The following ZC3H12B variants were observed in gnomAD, a reference collection of about 807,000 sequenced individuals.
ZC3H12B encodes probable ribonuclease ZC3H12B.
Under a neutral mutation model 43.9 loss-of-function variants are expected in ZC3H12B, and 7 were observed. The ratio of observed to expected loss-of-function variants is 0.16; its 90% confidence interval spans 0.09 to 0.30. ZC3H12B has a LOEUF of 0.30. ZC3H12B is among the 10% of genes least tolerant of loss of function. ZC3H12B has a pLI of 1.00. For synonymous variants in ZC3H12B, 222 were observed against 241.7 expected, an observed-to-expected ratio of 0.92 and a Z score of 0.76; for missense variants, 475 against 670.2, an observed-to-expected ratio of 0.71 and a Z score of 3.22.
chrX:65,309,660 C>G, the ZC3H12B span, among the ~76,000 whole-genome samples: 92 of 112,154 alleles, frequency 8.2e-4, no homozygotes, highest in Admixed American at 3.9e-3. Context: ...CAGCATCATT[C>G]TGATACCAAA....
the ZC3H12B span, among the ~76,000 whole-genome samples, chrX:65,073,599 G>T: frequency 8.9e-6 from 1 of 112,083 alleles, no homozygotes; most frequent in African/African-American, 3.2e-5. Context: ...GTTGAGCCTA[G>T]GAAGATGGCC....
At chrX:65,477,312 A>G (rs2068006285) in intron 3 of ZC3H12B, among the ~76,000 whole-genome samples, 1 of 110,113 alleles carries the variant, frequency 9.1e-6, no homozygotes, top group Non-Finnish European at 1.9e-5. Context: ...TTGGTGTGGT[A>G]CTGTTGCAGC....
the ZC3H12B span, among the ~76,000 whole-genome samples, chrX:65,042,595 T>C: frequency 1.8e-5 from 2 of 112,264 alleles, no homozygotes; most frequent in South Asian, 3.7e-4. Context: ...AAGTATGTAA[T>C]GAAACTGAAG....
At chrX:65,240,821 T>C in the ZC3H12B span, among the ~76,000 whole-genome samples, 2 of 112,322 alleles carry the variant, frequency 1.8e-5, no homozygotes, top group Non-Finnish European at 3.8e-5. Context: ...ACAAGCCACT[T>C]TCCTATAGGG....
chrX:65,108,927 G>C, the ZC3H12B span, among the ~76,000 whole-genome samples: 1 of 111,051 alleles, frequency 9.0e-6, no homozygotes, highest in Non-Finnish European at 1.9e-5. Context: ...GACCACCATC[G>C]TATATGTGAT....
chrX:65,244,462 G>A, the ZC3H12B span, among the ~76,000 whole-genome samples: 1 of 109,793 alleles, frequency 9.1e-6, no homozygotes, highest in African/African-American at 3.3e-5. Flanking sequence ...TTAAAAAAAA[G>A]TGCTAGGTGT....
the ZC3H12B span, among the ~76,000 whole-genome samples, chrX:65,176,489 A>C: frequency 2.7e-5 from 3 of 111,717 alleles, no homozygotes; most frequent in Non-Finnish European, 3.8e-5. Context: ...CCTGCCTGGC[A>C]GCTCTGAAGA....
Position 65,453,134 on chromosome X carries a change from T to C in ZC3H12B, n.408-35512T>C, listed in dbSNP as rs190965172. 3.0e-3 allele frequency among the ~76,000 whole-genome samples: 325 copies of C among 106,989 alleles called. 9 individuals are homozygous for C. Among genetic ancestry groups the C allele is most frequent in the Admixed American group, 0.03 (293 of 9,806 alleles). 92.9% of individuals were successfully genotyped at this position (106,989 alleles called of 115,157 possible). Reference sequence around the variant, plus strand: ...TAAGGCCATCATCACCAAAACAGCATGGTACTGGTATAAAAATAGGCACAT... The same window carrying C: ...TAAGGCCATCATCACCAAAACAGCACGGTACTGGTATAAAAATAGGCACAT... On this transcript the variant is annotated intron_variant and non_coding_transcript_variant, in intron 3 of 5. Coordinates refer to the ZC3H12B transcript ENST00000617377.
the ZC3H12B span, among the ~76,000 whole-genome samples, chrX:65,183,019 T>G: frequency 2.7e-5 from 3 of 111,841 alleles, no homozygotes; most frequent in South Asian, 3.7e-4. Context: ...TTTGGCAATT[T>G]CTCAAAGAAC....
the ZC3H12B span, among the ~76,000 whole-genome samples, chrX:65,068,977 C>T: frequency 1.1e-4 from 12 of 108,972 alleles, no homozygotes; most frequent in Non-Finnish European, 1.9e-4. Context: ...AAGGTTTCTC[C>T]TGAGAAGTCT....
Position 65,392,678 on chromosome X carries a change from T to A in ZC3H12B, n.296-5915T>A, listed in dbSNP as rs749770640. Among the ~76,000 whole-genome samples the A allele has an allele frequency of 6.2e-5, 7 of 112,286 alleles. No homozygotes were observed. The South Asian group carries it at 2.6e-3, about 41-fold the overall frequency. The stretch of plus-strand genomic sequence containing the variant: ...CCCCATCTGGGGGGTGGGGGGCCCC[T>A]CTGCCTGGCTGCCACGTCTGGGAAG... On this transcript the variant is annotated intron_variant and non_coding_transcript_variant, in intron 2 of 5. Coordinates refer to the ZC3H12B transcript ENST00000617377.
chrX:65,149,681 G>A, the ZC3H12B span, among the ~76,000 whole-genome samples: 2 of 107,286 alleles, frequency 1.9e-5, no homozygotes, highest in Non-Finnish European at 3.8e-5. Flanking sequence ...GGAGAATGGC[G>A]TGAACCCTGG....
At chrX:65,444,002 T>C (rs2067341277) in intron 3 of ZC3H12B, among the ~76,000 whole-genome samples, 1 of 112,631 alleles carries the variant, frequency 8.9e-6, no homozygotes, top group Non-Finnish European at 1.9e-5. Context: ...CTATTTATGT[T>C]CAATGTTATT....
chrX:65,173,263 AT>A, the ZC3H12B span, among the ~76,000 whole-genome samples: 1 of 111,937 alleles, frequency 8.9e-6, no homozygotes, highest in African/African-American at 3.2e-5. Flanking sequence ...GGTTTTGCAC[AT>A]TGATTTTGTA....
the ZC3H12B span, among the ~76,000 whole-genome samples, chrX:65,314,673 G>A: frequency 9.0e-6 from 1 of 111,462 alleles, no homozygotes; most frequent in African/African-American, 3.3e-5. Context: ...TTAGGTTGAA[G>A]GGAAATGATA....
At chrX:65,086,089 T>A in the ZC3H12B span, among the ~76,000 whole-genome samples, 1 of 108,403 alleles carries the variant, frequency 9.2e-6, no homozygotes, top group Non-Finnish European at 1.9e-5. Context: ...CAAAATCATG[T>A]GTTACATTTA....
chrX:65,157,362 C>A, the ZC3H12B span, among the ~76,000 whole-genome samples: 2 of 112,395 alleles, frequency 1.8e-5, no homozygotes, highest in East Asian at 2.8e-4. Flanking sequence ...GCCTTCCTTA[C>A]TTTCTAATAT....
the ZC3H12B span, among the ~76,000 whole-genome samples, chrX:65,058,385 A>G: frequency 8.9e-6 from 1 of 112,058 alleles, no homozygotes; most frequent in Admixed American, 9.5e-5. Context: ...AGGCTATAAA[A>G]CAGCGAATAT....
the ZC3H12B span, among the ~76,000 whole-genome samples, chrX:65,248,488 T>G: frequency 8.9e-6 from 1 of 112,043 alleles, no homozygotes; most frequent in Non-Finnish European, 1.9e-5. Flanking sequence ...CCTAGCATAT[T>G]AAATCAGCAA....
Sources: allele counts gnomAD v4.1 joint callset (sites outside exome capture counted in the v4.1 genomes callset), GRCh38; gene constraint gnomAD v4.1.1; transcripts MANE v1.5; gene names NCBI Gene and HGNC (gene_info 2026-07-23, HGNC 2026-07-21).